The following ADGRL2 variants were observed in gnomAD, a reference collection of about 807,000 sequenced individuals.
ADGRL2 encodes the protein adhesion G protein-coupled receptor L2.
A neutral mutation model predicts 157.4 loss-of-function variants in ADGRL2; 44 were observed. That is an observed-to-expected ratio of 0.28 (90% confidence interval 0.22 to 0.36). The LOEUF is 0.36. Among genes scored for constraint, ADGRL2 ranks in the 10% least tolerant of loss-of-function variants. ADGRL2 has a pLI of 1.00. For synonymous variants in ADGRL2, 585 were observed against 624.7 expected, an observed-to-expected ratio of 0.94 and a Z score of 0.95; for missense variants, 1,510 against 1,768.9, an observed-to-expected ratio of 0.85 and a Z score of 2.63.
chr1:81,519,022 T>C (rs1329923797), intron 2 of ADGRL2, among the ~76,000 whole-genome samples: 1 of 152,182 alleles, frequency 6.6e-6, no homozygotes, highest in Non-Finnish European at 1.5e-5. Flanking sequence ...TATTTACTCA[T>C]TTCAGGCAGG....
At chr1:81,717,167 G>A (rs1054271114) in intron 1 of ADGRL2, among the ~76,000 whole-genome samples, 14 of 152,138 alleles carry the variant, frequency 9.2e-5, no homozygotes, top group African/African-American at 3.4e-4. Flanking sequence ...CAAAGGCTTG[G>A]GAATGTCTGC....
Position 81,563,743 on chromosome 1 carries a change from T to C in ADGRL2, c.-247-17133T>C, listed in dbSNP as rs144145828. On this transcript the variant is annotated intron_variant, in intron 2 of 24. Coordinates refer to the ADGRL2 transcript ENST00000370721. ...ATCTCCATCCTGCCTACAAGAAGCA[T>C]AACATCTCAAAACAGGAACATCATA... Among the ~76,000 whole-genome samples, 418 of 152,308 alleles carry C rather than the reference T, an allele frequency of 2.7e-3. 4 individuals carry two copies. Among genetic ancestry groups the C allele is most frequent in the Middle Eastern group, 0.02 (6 of 294 alleles).
At chr1:81,756,716 T>A (rs545197923) in intron 1 of ADGRL2, among the ~76,000 whole-genome samples, 2 of 152,242 alleles carry the variant, frequency 1.3e-5, no homozygotes, top group East Asian at 3.9e-4. Context: ...GTAATTGTGA[T>A]TTTTTTATAG....
intron 2 of ADGRL2, among the ~76,000 whole-genome samples, chr1:81,773,807 T>C (rs532752941): frequency 6.6e-6 from 1 of 152,342 alleles, no homozygotes; most frequent in African/African-American, 2.4e-5. Context: ...CTCAAATTCA[T>C]GTGTTGCTGT....
chr1:81,605,579 T>G (rs2081416597), intron 3 of ADGRL2, among the ~76,000 whole-genome samples: 1 of 152,206 alleles, frequency 6.6e-6, no homozygotes, highest in African/African-American at 2.4e-5. Flanking sequence ...AGCATGAGTG[T>G]GTACCTCAAG....
rs1415637297 is a variant in ADGRL2, at chr1:81,943,568, A to G, written c.1009A>G (p.Ser337Gly). The change falls in exon 6 of 24, where the codon AGT becomes GGT. Residue 337 changes from serine (S) to glycine (G), a missense_variant. Physicochemically the swap from Ser to Gly is moderately conservative, Grantham distance 56. Coordinates refer to ENST00000686636, the MANE Select transcript of ADGRL2 (RefSeq NM_001366006.2). This position sits in a 1 kb window ranked among gnomAD's most constrained non-coding sequence, Gnocchi z 5.6. ...VVRSVYQDNE[S>G]ETGKNSIDYI... is the part of the protein sequence containing the mutation. ...TAGGTCAGTTTATCAAGACAATGAAAGTGAAACAGGCAAGAACTCAATTGA... is the reference window on the plus strand; with the variant it reads ...TAGGTCAGTTTATCAAGACAATGAAGGTGAAACAGGCAAGAACTCAATTGA... 6.2e-7 allele frequency: 1 copy of G among 1,613,764 alleles called. No homozygotes were observed. Among genetic ancestry groups the G allele is most frequent in the Middle Eastern group, 1.6e-4 (1 of 6,062 alleles).
At chr1:81,609,855 A>C (rs956236928) in intron 3 of ADGRL2, among the ~76,000 whole-genome samples, 7 of 152,222 alleles carry the variant, frequency 4.6e-5, no homozygotes, top group Non-Finnish European at 7.3e-5. Flanking sequence ...GATATAACCA[A>C]AATATTTTTG....
intron 2 of ADGRL2, among the ~76,000 whole-genome samples, chr1:81,521,316 AAT>A (rs1156516265): frequency 6.6e-6 from 1 of 152,210 alleles, no homozygotes; most frequent in Non-Finnish European, 1.5e-5. Context: ...AACTATTCAC[AAT>A]TAAAATATAA....
At chr1:81,307,602 AG>A (rs1659433854) in intron 1 of ADGRL2, among the ~76,000 whole-genome samples, 1 of 152,198 alleles carries the variant, frequency 6.6e-6, no homozygotes, top group Admixed American at 6.5e-5. Context: ...TGACAAGGCT[AG>A]TTAATCTCTT....
chr1:81,317,666 A>G (rs1660205636), intron 1 of ADGRL2, among the ~76,000 whole-genome samples: 1 of 152,216 alleles, frequency 6.6e-6, no homozygotes, highest in Non-Finnish European at 1.5e-5. Context: ...TTAAAATACT[A>G]TCTCAGGAAT....
At chr1:81,394,525 C>T (rs376051967) in intron 1 of ADGRL2, among the ~76,000 whole-genome samples, 80 of 152,218 alleles carry the variant, frequency 5.3e-4, no homozygotes, top group African/African-American at 8.7e-4. Flanking sequence ...ATATATGTTG[C>T]CACAAATGAC....
At chr1:81,473,176 G>T (rs1427394409) in intron 2 of ADGRL2, among the ~76,000 whole-genome samples, 3 of 152,126 alleles carry the variant, frequency 2.0e-5, no homozygotes, top group African/African-American at 7.2e-5. Context: ...GGTGTGATCG[G>T]CAAGAAAGGT....
At chr1:81,571,337 AAT>A (rs951687710) in intron 2 of ADGRL2, among the ~76,000 whole-genome samples, 32 of 146,642 alleles carry the variant, frequency 2.2e-4, no homozygotes, top group African/African-American at 8.0e-4. Context: ...AACAAATACA[AAT>A]ATATATATAC....
chr1:81,438,660 G>A (rs909990789), intron 1 of ADGRL2, among the ~76,000 whole-genome samples: 1 of 152,094 alleles, frequency 6.6e-6, no homozygotes, highest in Non-Finnish European at 1.5e-5. Context: ...GCCCAGCCCT[G>A]GACGGTAACA....
At chr1:81,589,895 T>G (rs1263149441) in intron 3 of ADGRL2, among the ~76,000 whole-genome samples, 1 of 152,104 alleles carries the variant, frequency 6.6e-6, no homozygotes, top group Non-Finnish European at 1.5e-5. Context: ...AAATGATCAT[T>G]AAATGAGTGT....
intron 17 of ADGRL2, among the ~76,000 whole-genome samples, chr1:81,978,742 T>C (rs1660846850): frequency 6.6e-6 from 1 of 151,764 alleles, no homozygotes; most frequent in Non-Finnish European, 1.5e-5. Context: ...GTGTTACCAT[T>C]TGATCATGTG....
At chr1:81,759,296 G>A (rs1032719609) in intron 1 of ADGRL2, among the ~76,000 whole-genome samples, 1 of 152,002 alleles carries the variant, frequency 6.6e-6, no homozygotes, top group African/African-American at 2.4e-5. Flanking sequence ...AAATATTACT[G>A]TCAGCTACTG....
intron 2 of ADGRL2, among the ~76,000 whole-genome samples, chr1:81,904,319 G>A (rs1444326491): frequency 5.3e-5 from 8 of 152,082 alleles, no homozygotes; most frequent in Non-Finnish European, 1.2e-4. Flanking sequence ...GTAAGAGAAA[G>A]AATTTAGAAA....
chr1:81,707,241 A>G (rs187254865), intron 1 of ADGRL2, among the ~76,000 whole-genome samples: 33 of 152,286 alleles, frequency 2.2e-4, no homozygotes, highest in African/African-American at 6.3e-4. Context: ...GGGGAAAAAA[A>G]GGATGACTAA....
Sources: gnomAD v4.1 joint callset for allele counts (sites outside exome capture counted in the v4.1 genomes callset) on GRCh38, gnomAD v4.1.1 for gene constraint, Gnocchi (gnomAD v3.1) non-coding constraint, MANE v1.5 for transcripts, NCBI Gene and HGNC (gene_info 2026-07-23, HGNC 2026-07-21) for gene names.